SOX6: variants seen among roughly 807,000 people sequenced by gnomAD.
SOX6 encodes transcription factor SOX-6.
Under a neutral mutation model 97.8 loss-of-function variants are expected in SOX6, and 11 were observed. The ratio of observed to expected loss-of-function variants is 0.11; its 90% CI spans 0.07 to 0.19. The LOEUF is 0.19. SOX6 is among the 10% of genes least tolerant of loss of function. The pLI is 1.00. For synonymous variants in SOX6, 360 were observed against 371.4 expected (o/e 0.97, Z 0.35); for missense variants, 810 against 1,039.5 (o/e 0.78, Z 3.04).
chr11:16,066,539 G>C (rs1368756046), intron 9 of SOX6, among the ~76,000 whole-genome samples: 1 of 152,140 alleles, frequency 6.6e-6, no homozygotes, highest in Non-Finnish European at 1.5e-5. Flanking sequence ...AGAAAATGTG[G>C]TACTTATACA....
At chr11:16,267,174 G>C (rs1297962014) in intron 3 of SOX6, among the ~76,000 whole-genome samples, 1 of 147,052 alleles carries the variant, frequency 6.8e-6, no homozygotes, top group African/African-American at 2.5e-5. Context: ...GGCAGCAAAA[G>C]CAAAAATAGA....
At chr11:16,496,019 T>C (rs1254435326) in intron 4 of SOX6, among the ~76,000 whole-genome samples, 2 of 152,196 alleles carry the variant, frequency 1.3e-5, no homozygotes, top group African/African-American at 4.8e-5. Flanking sequence ...CACAAATGCA[T>C]GTACCCAGGA....
intron 4 of SOX6, among the ~76,000 whole-genome samples, chr11:16,498,589 G>T (rs1483623256): frequency 6.6e-6 from 1 of 151,998 alleles, no homozygotes; most frequent in Non-Finnish European, 1.5e-5. Flanking sequence ...ACACACATAG[G>T]CTCAAAATAA....
At position 16,660,687 on chromosome 11, in the gene SOX6, A is replaced by C. The variant is rs60476688; in HGVS notation, n.430-48427T>G. 2.3e-3 allele frequency among the ~76,000 whole-genome samples: 345 copies of C among 152,296 alleles called. 3 individuals are homozygous for C. Among genetic ancestry groups the C allele is most frequent in the African/African-American group, 7.8e-3 (325 of 41,552 alleles). ...TAGAGGTGGGGCTCTTTAGGAGATG[A>C]AGGTTATAAAGGCAGAGCTCTTATA... On this transcript the variant is annotated intron_variant and non_coding_transcript_variant, in intron 3 of 5. Coordinates refer to the SOX6 transcript ENST00000524520.
At chr11:15,994,466 T>C (rs1854163225) in intron 13 of SOX6, among the ~76,000 whole-genome samples, 1 of 148,074 alleles carries the variant, frequency 6.8e-6, no homozygotes, top group Non-Finnish European at 1.5e-5. Context: ...GTATAAGAGA[T>C]GAAATTAGAA....
chr11:16,291,363 G>GAATGAATAAATA (rs1554954087), intron 3 of SOX6, among the ~76,000 whole-genome samples: 1 of 148,040 alleles, frequency 6.8e-6, no homozygotes, highest in Non-Finnish European at 1.5e-5. Flanking sequence ...TATAATGAAT[G>GAATGAATAAATA]AATAAATAAA....
chr11:16,264,168 C>T (rs1231089132), intron 3 of SOX6, among the ~76,000 whole-genome samples: 1 of 151,822 alleles, frequency 6.6e-6, no homozygotes, highest in Non-Finnish European at 1.5e-5. Context: ...CCCATCCCAT[C>T]CATTCTACCC....
intron 1 of SOX6, chr11:16,736,610 A>G (rs1848392897): frequency 6.6e-6 from 1 of 152,238 alleles, no homozygotes; most frequent in African/African-American, 2.4e-5. Context: ...TTAGCAGTCT[A>G]AAGTACCTAT....
intron 3 of SOX6, among the ~76,000 whole-genome samples, chr11:16,644,559 G>A (rs575883232): frequency 3.3e-5 from 5 of 151,838 alleles, no homozygotes; most frequent in Admixed American, 6.6e-5. Context: ...ATTGACAAGT[G>A]CATTCATTTC....
intron 7 of SOX6, among the ~76,000 whole-genome samples, chr11:16,100,391 G>T (rs1392437653): frequency 1.3e-5 from 2 of 151,686 alleles, no homozygotes; most frequent in Non-Finnish European, 3.0e-5. Context: ...AAACCAATTT[G>T]AGAAATAATG....
At chr11:16,068,413 G>A (rs551896520) in intron 9 of SOX6, among the ~76,000 whole-genome samples, 1 of 152,188 alleles carries the variant, frequency 6.6e-6, no homozygotes, top group Non-Finnish European at 1.5e-5. Context: ...GGTAGGGAGA[G>A]AGCTTCAAAT....
chr11:16,257,986 T>G (rs2164782), intron 3 of SOX6, among the ~76,000 whole-genome samples: 118,543 of 151,614 alleles, frequency 0.78, 46,478 homozygotes, highest in Non-Finnish European at 0.8. Context: ...TATCACTCTT[T>G]AATTAAAAGA....
At chr11:16,301,890 T>C (rs1161306789) in intron 3 of SOX6, among the ~76,000 whole-genome samples, 5 of 152,132 alleles carry the variant, frequency 3.3e-5, no homozygotes, top group African/African-American at 1.2e-4. Flanking sequence ...TATTCCACCT[T>C]CATGGAATAC....
At chr11:16,512,937 A>G (rs1860902947) in intron 4 of SOX6, among the ~76,000 whole-genome samples, 1 of 152,240 alleles carries the variant, frequency 6.6e-6, no homozygotes, top group South Asian at 2.1e-4. Context: ...AGTAAAATCA[A>G]TAGTCTCAAC....
At chr11:16,374,350 T>C (rs1281610140) in intron 1 of SOX6, among the ~76,000 whole-genome samples, 1 of 152,126 alleles carries the variant, frequency 6.6e-6, no homozygotes, top group African/African-American at 2.4e-5. Context: ...TAGTAACTTT[T>C]AGTTATATTA....
intron 1 of SOX6, among the ~76,000 whole-genome samples, chr11:16,473,703 C>A (rs1366692866): frequency 6.6e-6 from 1 of 152,020 alleles, no homozygotes; most frequent in East Asian, 1.9e-4. Context: ...AGGCATGCAC[C>A]ACCACGCCTG....
intron 3 of SOX6, among the ~76,000 whole-genome samples, chr11:16,637,848 A>G (rs1848814898): frequency 1.3e-5 from 2 of 151,868 alleles, no homozygotes; most frequent in African/African-American, 4.8e-5. Context: ...GCAACGTTTT[A>G]TAGGCAAGGC....
Sources: gnomAD v4.1 joint callset for allele counts (sites outside exome capture counted in the v4.1 genomes callset) on GRCh38, gnomAD v4.1.1 for gene constraint, MANE v1.5 for transcripts, NCBI Gene and HGNC (gene_info 2026-07-23, HGNC 2026-07-21) for gene names.